EIF4G2: variants seen among roughly 807,000 people sequenced by gnomAD.
The protein encoded by EIF4G2 is DAP-5.
A neutral mutation model predicts 117.7 loss-of-function variants in EIF4G2; 8 were observed. That is an observed-to-expected ratio of 0.07 (90% CI 0.04 to 0.12). The LOEUF is 0.12. EIF4G2 is among the 10% of genes least tolerant of loss of function. The pLI, the probability that EIF4G2 is intolerant of heterozygous loss-of-function variation, is 1.00. For missense variants in EIF4G2, 812 were observed against 1,086.2 expected, an observed-to-expected ratio of 0.75 and a Z score of 3.55; for synonymous variants, 413 against 367.8, an observed-to-expected ratio of 1.12 and a Z score of -1.41.
chr11:10,807,860 G>A (rs930262481), intron 1 of EIF4G2: 22 of 986,582 alleles, frequency 2.2e-5, no homozygotes, highest in Non-Finnish European at 2.5e-5. Context: ...GCGAGAGGGG[G>A]CCGGGTGTAC....
chr11:10,804,114 T>G, intron 7 of EIF4G2, 23 bp downstream of exon 7: 1 of 1,613,964 alleles, frequency 6.2e-7, no homozygotes. Flanking sequence ...ACAGTAGTAC[T>G]TATTATCAGC....
At chr11:10,808,199 A>T (rs866417887) in intron 1 of EIF4G2, 1 of 1,126,162 alleles carries the variant, frequency 8.9e-7, no homozygotes, top group Middle Eastern at 4.0e-4. Flanking sequence ...TCCTCTGCTG[A>T]CAAAAGGGGC....
In EIF4G2 at chr11:10,797,674, G is replaced by C; in HGVS notation, c.*142C>G. 1 of 856,530 alleles carries C rather than the reference G, an allele frequency of 1.2e-6. No individual in the cohort carries two copies. The highest frequency in any genetic ancestry group is 1.9e-6 in the Non-Finnish European group (1 of 538,008). 53.1% of individuals were successfully genotyped at this position (856,530 alleles called of 1,614,324 possible). On this transcript the variant is annotated 3_prime_UTR_variant, in exon 22 of 22. Coordinates refer to ENST00000339995, the MANE Select transcript of EIF4G2 (RefSeq NM_001418.4). This position sits in a 1 kb window ranked among gnomAD's most constrained non-coding sequence, Gnocchi z 4.5. ...TTACACTACAAAAAAACCTTATGCA[G>C]AAGGAAATCCTAACTGACGTGCTTC...
rs116615653 is a variant in EIF4G2, at chr11:10,805,042, G to A, written c.249-27C>T. 2.0e-4 allele frequency: 310 copies of A among 1,544,278 alleles called. No homozygotes were observed. In the African/African-American group the frequency reaches 3.2e-3, roughly 16 times the overall value. On this transcript the variant is annotated intron_variant, in intron 4 of 21. Transcript: ENST00000339995. ...TGGAGAAAAAGGAATTACATTTTAA[G>A]TGTTAGCTAATACACAGAATTTGAA... is the stretch of plus-strand genomic sequence containing the variant.
chr11:10,798,705 T>C, intron 21 of EIF4G2: 1 of 236,172 alleles, frequency 4.2e-6, no homozygotes, highest in South Asian at 8.4e-5. Context: ...TTACTGATGT[T>C]TTTAAAAAAG....
At chr11:10,808,071 G>A (rs1847641695) in intron 1 of EIF4G2, 2 of 1,046,888 alleles carry the variant, frequency 1.9e-6, no homozygotes, top group South Asian at 2.6e-5. Flanking sequence ...CGCCAGCCCG[G>A]CGCCCAGCTC....
rs781051623 is a variant in EIF4G2 at position 10,806,041 on chromosome 11, G to T, written c.114C>A (p.Phe38Leu). Residue 38 changes from phenylalanine (F) to leucine (L), a missense_variant, in exon 4 of 22, where the codon TTC (phenylalanine) becomes TTA (leucine). Coordinates refer to ENST00000339995, the MANE Select transcript of EIF4G2 (RefSeq NM_001418.4). ...CGTTTTGCCCTGGGGTTTTCCCCAGGAACTCGCTGATTAATAAAAATCAGC... is the reference window on the plus strand; with the variant it reads ...CGTTTTGCCCTGGGGTTTTCCCCAGTAACTCGCTGATTAATAAAAATCAGC... 1 of 1,614,162 alleles carries T rather than the reference G, an allele frequency of 6.2e-7. No individual in the cohort carries two copies. The highest frequency in any genetic ancestry group is 8.5e-7 in the Non-Finnish European group (1 of 1,180,008).
chr11:10,802,953 G>C (rs1188564713), intron 11 of EIF4G2, 77 bp downstream of exon 11: 1 of 1,284,680 alleles, frequency 7.8e-7, no homozygotes, highest in Admixed American at 2.0e-5. Context: ...CAAGCGTTTG[G>C]GGTGGGTGAG....
rs777244567 is a variant in EIF4G2, at chr11:10,806,896, GA to G, written c.42-12del. 1.9e-6 allele frequency: 3 copies of G among 1,613,164 alleles called. No homozygotes were observed. The highest frequency in any genetic ancestry group is 1.7e-4 in the Middle Eastern group (1 of 6,060). On this transcript the variant is annotated splice_polypyrimidine_tract_variant and intron_variant, in intron 2 of 21. Transcript: ENST00000339995. ...CCGCCCGAAGAAGCACTATTTAAAA[GA>G]AAAAAATTGTTTACTGTATCCCAAC... is the stretch of plus-strand genomic sequence containing the variant.
chr11:10,806,290 T>C lies in EIF4G2; in HGVS notation c.108-243A>G, dbSNP rs1409178739. On this transcript the variant is annotated intron_variant, in intron 3 of 21. Coordinates refer to ENST00000339995, the MANE Select transcript of EIF4G2 (RefSeq NM_001418.4). The stretch of plus-strand genomic sequence containing the variant: ...CTGGTTTGGGGTGGGGCCTAAGAAT[T>C]TGCATGTCTAGTAAATATTCCCAGT... 7 of 548,890 alleles carry C rather than the reference T, an allele frequency of 1.3e-5. No homozygotes were observed. The Admixed American group carries it at 2.2e-4, about 17-fold the overall frequency. 34.0% of individuals were successfully genotyped at this position (548,890 alleles called of 1,614,324 possible).
At position 10,801,789 on chromosome 11, in the gene EIF4G2, G is replaced by T; in HGVS notation, c.1300-15C>A. 6.2e-7 allele frequency: 1 copy of T among 1,609,000 alleles called. No homozygotes were observed. The highest frequency in any genetic ancestry group is 2.2e-5 in the East Asian group (1 of 44,840). ...TGGCTTAGCCCCTATTTCAGAAAAG[G>T]AGAAAGAAAGTCTAGATAAAAAGGG... is the stretch of plus-strand genomic sequence containing the variant. On this transcript the variant is annotated splice_polypyrimidine_tract_variant and intron_variant, in intron 13 of 21. Transcript: ENST00000339995.
At chr11:10,804,861 T>TTA in intron 5 of EIF4G2, 52 bp downstream of exon 5, 1 of 1,472,172 alleles carries the variant, frequency 6.8e-7, no homozygotes, top group Non-Finnish European at 9.5e-7. Flanking sequence ...CAACTTGAGT[T>TTA]TGTTAAACAG....
In EIF4G2 at chr11:10,801,004, A is replaced by G. The variant is rs781607544; in HGVS notation, c.1497T>C (p.Pro499=). The G allele has an allele frequency of 6.2e-7, 1 of 1,614,212 alleles. No homozygotes were observed. Among genetic ancestry groups the G allele is most frequent in the East Asian group, 2.2e-5 (1 of 44,892 alleles). Residue 499 remains proline, a synonymous_variant, in exon 15 of 22, where the codon CCT becomes CCC. Transcript: ENST00000339995. ...TTTGAGTGCGTGGTGGTTGTGCACT[A>G]GGAGGAATCATAGTTATCTGGGGCT... is the stretch of plus-strand genomic sequence containing the variant.
intron 13 of EIF4G2, 81 bp downstream of exon 13, chr11:10,801,968 A>T (rs897364708): frequency 4.0e-6 from 2 of 499,538 alleles, no homozygotes; most frequent in African/African-American, 1.8e-4. Context: ...ATACTTTACT[A>T]ATCTTAAGGA....
intron 3 of EIF4G2, 26 bp from the exon 4 acceptor site, chr11:10,806,073 A>T: frequency 6.2e-7 from 1 of 1,613,876 alleles, no homozygotes; most frequent in East Asian, 2.2e-5. Flanking sequence ...CAGCAAAAAC[A>T]CTTATTGTCA....
chr11:10,801,847 G>C, intron 13 of EIF4G2, 73 bp from the exon 14 acceptor site: 1 of 1,406,816 alleles, frequency 7.1e-7, no homozygotes, highest in Non-Finnish European at 9.9e-7. Context: ...GTACCAAAGG[G>C]ATGAGCCAAG....
rs940113175 is a variant in EIF4G2 at position 10,800,894 on chromosome 11, G to C, written c.1540-59C>G. 17 of 1,611,922 alleles carry C rather than the reference G, an allele frequency of 1.1e-5. No homozygotes were observed. The African/African-American group carries it at 2.3e-4, about 22-fold the overall frequency. On this transcript the variant is annotated intron_variant, in intron 15 of 21. Transcript: ENST00000339995. The stretch of plus-strand genomic sequence containing the variant: ...AAGAGGACTATGAAATTAGGGGGAA[G>C]AACACACTAAATTTAGAAAAAAGTC...
At chr11:10,807,652 C>G (rs1164998953) in intron 1 of EIF4G2, 1 of 1,049,018 alleles carries the variant, frequency 9.5e-7, no homozygotes, top group Non-Finnish European at 1.1e-6. Context: ...ATTCTACTAT[C>G]TTTAAAACTG....
At chr11:10,798,914 G>A in intron 21 of EIF4G2, 78 bp downstream of exon 21, 3 of 1,529,158 alleles carry the variant, frequency 2.0e-6, no homozygotes, top group Non-Finnish European at 2.6e-6. Context: ...CTGTATTTCA[G>A]TTGAAAAAGG....
Sources: gnomAD v4.1 joint callset for allele counts on GRCh38, gnomAD v4.1.1 for gene constraint, Gnocchi (gnomAD v3.1) non-coding constraint, MANE v1.5 for transcripts, NCBI Gene and HGNC (gene_info 2026-07-23, HGNC 2026-07-21) for gene names.